The following PLXNB2 variants were observed in gnomAD, a reference collection of about 807,000 sequenced individuals.
PLXNB2 encodes the protein plexin B2.
PLXNB2 carries 85 observed loss-of-function variants against 202.6 expected under a neutral mutation model. That is an observed-to-expected ratio of 0.42 (90% CI 0.35 to 0.50). PLXNB2 has a LOEUF of 0.50. PLXNB2 is among the 20% of genes least tolerant of loss of function. PLXNB2 has a pLI of 0.02. For missense variants in PLXNB2, 2,063 were observed against 2,586.2 expected, an observed-to-expected ratio of 0.80 and a Z score of 4.39; for synonymous variants, 1,239 against 1,137.6, an observed-to-expected ratio of 1.09 and a Z score of -1.79.
In PLXNB2 at chr22:50,283,063, C is replaced by T. The variant is rs62621372; in HGVS notation, c.2803G>A (p.Val935Ile). The T allele has an allele frequency of 0.021, 34,526 of 1,610,404 alleles. 512 individuals carry two copies. Among genetic ancestry groups the T allele is most frequent in the East Asian group, 0.073 (3,258 of 44,776 alleles). Reference protein sequence around the residue: ...QEDVRVTLNGVPCKVTKFGAQ... With the variant: ...QEDVRVTLNGIPCKVTKFGAQ... ...GGTGACACCCACACTTTACACGGGA[C>T]GCCGTTGAGGGTCACCCGCACGTCC... The change falls in exon 17 of 37, where the codon GTC (valine) becomes ATC (isoleucine). Residue 935 changes from valine (V) to isoleucine (I), a missense_variant. Around this residue, in one of 2 missense-constraint regions of PLXNB2, gnomAD observed 1,303 missense variants for 1,476.8 expected, o/e 0.88. Transcript: ENST00000359337.
At position 50,289,485 on chromosome 22, in the gene PLXNB2, C is replaced by T. The variant is rs554383739; in HGVS notation, c.1068+32G>A. The T allele has an allele frequency of 4.3e-5, 67 of 1,561,402 alleles. No homozygotes were observed. Among genetic ancestry groups the T allele is most frequent in the Middle Eastern group, 1.8e-4 (1 of 5,590 alleles). ...AACCCACGAACGGACGCCTGCAGTC[C>T]GGGCCCTGCGAGAACACACTGAGGC... On this transcript the variant is annotated intron_variant, in intron 3 of 36. Transcript: ENST00000359337. This position sits in a 1 kb window ranked among gnomAD's most constrained non-coding sequence, Gnocchi z 8.0.
intron 2 of PLXNB2, among the ~76,000 whole-genome samples, chr22:50,293,364 G>A (rs1000915772): frequency 2.0e-5 from 3 of 152,146 alleles, no homozygotes; most frequent in Non-Finnish European, 4.4e-5. Context: ...AACCCCCGCC[G>A]CGCCCCTCCC....
Position 50,286,235 on chromosome 22 carries a change from G to A in PLXNB2, c.1815C>T (p.Leu605=). The A allele has an allele frequency of 6.2e-7, 1 of 1,613,306 alleles. No homozygotes were observed. Among genetic ancestry groups the A allele is most frequent in the Non-Finnish European group, 8.5e-7 (1 of 1,179,918 alleles). The change falls in exon 9 of 37, where the codon CTC becomes CTT. Residue 605 remains leucine, a synonymous_variant. Coordinates refer to ENST00000359337, the MANE Select transcript of PLXNB2 (RefSeq NM_012401.4). ...QLLLRRGNIF[L]TSYQYPFYDC... is the part of the protein sequence containing the mutation. ...CGTAGAAGGGGTACTGGTAGGACGT[G>A]AGGAAGATGTTGCCTCGTCTAAGGA...
At chr22:50,307,477 G>A (rs766802940) in intron 1 of PLXNB2, 76 bp downstream of exon 1, 220 of 841,346 alleles carry the variant, frequency 2.6e-4, no homozygotes, top group Admixed American at 3.1e-4. Context: ...AGGCCCGGGC[G>A]GAGCGGCGCT....
At position 50,287,214 on chromosome 22, in the gene PLXNB2, C is replaced by A; in HGVS notation, c.1659G>T (p.Leu553Phe). ...PLPALSEEDE[L>F]LCLFGESPPH... ...GCGGCGACTCCCCAAAAAGGCACAG[C>A]AACTCGTCCTCCTCGCTCAGGGCAG... is the stretch of plus-strand genomic sequence containing the variant. Residue 553 changes from leucine to phenylalanine, a missense_variant, in exon 8 of 37, where the codon TTG (leucine) becomes TTT (phenylalanine). By Grantham distance (22) the Leu-to-Phe change is conservative. Coordinates refer to ENST00000359337, the MANE Select transcript of PLXNB2 (RefSeq NM_012401.4). The A allele has an allele frequency of 6.4e-7, 1 of 1,550,720 alleles. No homozygotes were observed. Among genetic ancestry groups the A allele is most frequent in the Non-Finnish European group, 8.7e-7 (1 of 1,147,124 alleles).
chr22:50,289,020 G>C lies in PLXNB2; in HGVS notation c.1191C>G (p.Val397=), dbSNP rs771149769. The C allele has an allele frequency of 3.1e-6, 5 of 1,610,146 alleles. No individual in the cohort carries two copies. The South Asian group carries it at 4.4e-5, about 14-fold the overall frequency. The change falls in exon 4 of 37, where the codon GTC becomes GTG. Residue 397 remains valine (V), a synonymous_variant. Coordinates refer to ENST00000359337, the MANE Select transcript of PLXNB2 (RefSeq NM_012401.4). The surrounding 1 kb of genome is among the most constrained non-coding windows in gnomAD (Gnocchi z 8.0). Reference sequence around the variant, plus strand: ...CAACAGTGTGGTTGTTCTCGGCGGCGACCGTCACGGCCGTGAGGTTCAGGC... The same window carrying C: ...CAACAGTGTGGTTGTTCTCGGCGGCCACCGTCACGGCCGTGAGGTTCAGGC... ...RGGLNLTAVT[V]AAENNHTVAF... is the part of the protein sequence containing the mutation.
At chr22:50,295,810 G>A (rs557502051) in intron 1 of PLXNB2, among the ~76,000 whole-genome samples, 25 of 152,240 alleles carry the variant, frequency 1.6e-4, no homozygotes, top group African/African-American at 6.0e-4. Context: ...AATCAAAATA[G>A]TGGCCGGCTA....
At chr22:50,276,434 T>TGCAG (rs1356186243) in intron 35 of PLXNB2, among the ~76,000 whole-genome samples, 195 bp downstream of exon 35, 2 of 7,508 alleles carry the variant, frequency 2.7e-4, no homozygotes, top group Non-Finnish European at 7.7e-4. Flanking sequence ...AGGGCCTGGC[T>TGCAG]CCAAGCAGGA....
Position 50,280,562 on chromosome 22 carries a change from T to A in PLXNB2, c.4102A>T (p.Ile1368Phe). 6.2e-7 allele frequency: 1 copy of A among 1,612,254 alleles called. No homozygotes were observed. The highest frequency in any genetic ancestry group is 8.5e-7 in the Non-Finnish European group (1 of 1,179,832). Residue 1368 changes from isoleucine (I) to phenylalanine (F), a missense_variant, in exon 25 of 37, where the codon ATC becomes TTC. Ile to Phe is a conservative substitution (Grantham distance 21, BLOSUM62 0). This residue lies in a region of PLXNB2 where 760 missense variants were observed against 1,109.4 expected (regional missense o/e 0.69). Coordinates refer to ENST00000359337, the MANE Select transcript of PLXNB2 (RefSeq NM_012401.4). Reference protein sequence around the residue: ...LHGKLEYYTDIMHTLFLELLE... With the variant: ...LHGKLEYYTDFMHTLFLELLE... Reference sequence around the variant, plus strand: ...AGCTCCAGGAAGAGCGTGTGCATGATGTCCGTGTAGTACTCCAGTTTCCCG... The same window carrying A: ...AGCTCCAGGAAGAGCGTGTGCATGAAGTCCGTGTAGTACTCCAGTTTCCCG...
intron 25 of PLXNB2, 135 bp downstream of exon 25, chr22:50,280,353 GC>G: frequency 5.0e-6 from 4 of 798,862 alleles, no homozygotes; most frequent in Non-Finnish European, 5.7e-6. Flanking sequence ...CCCCTAGACC[GC>G]CCCCCACCAC....
chr22:50,295,043 G>A (rs111744454), intron 1 of PLXNB2, among the ~76,000 whole-genome samples: 2,245 of 152,204 alleles, frequency 0.015, 56 homozygotes, highest in African/African-American at 0.051. Context: ...TTCTGAGGCC[G>A]GGTGCGGTGG....
At position 50,281,575 on chromosome 22, in the gene PLXNB2, G is replaced by C; in HGVS notation, c.3513C>G (p.Pro1171=). 2.5e-6 allele frequency: 4 copies of C among 1,610,832 alleles called. No individual in the cohort carries two copies. The South Asian group carries it at 4.4e-5, about 18-fold the overall frequency. ...GTCCCCGCTCACGCACAATGAACTC[G>C]GGCAGGTTGTGTGTGGTGTCTCGTT... The part of the protein sequence containing the change: ...RQKRDTTHNL[P]EFIVKFGSRE... Residue 1171 remains proline (P), a synonymous_variant, in exon 21 of 37, where the codon CCC becomes CCG. Coordinates refer to ENST00000359337, the MANE Select transcript of PLXNB2 (RefSeq NM_012401.4).
chr22:50,299,714 G>A (rs1457979063), intron 1 of PLXNB2, among the ~76,000 whole-genome samples: 4 of 152,074 alleles, frequency 2.6e-5, no homozygotes, highest in Non-Finnish European at 5.9e-5. Flanking sequence ...CGGGAGACCC[G>A]GCGAGGGCGA....
intron 1 of PLXNB2, chr22:50,301,232 A>G (rs2067662615): frequency 9.6e-6 from 2 of 207,662 alleles, no homozygotes; most frequent in South Asian, 3.4e-4. Flanking sequence ...TCTCTCCTCA[A>G]CCACCCCTTT....
chr22:50,300,589 G>A (rs2067625272), intron 1 of PLXNB2, among the ~76,000 whole-genome samples: 1 of 152,246 alleles, frequency 6.6e-6, no homozygotes, highest in Non-Finnish European at 1.5e-5. Flanking sequence ...GACTGATGTG[G>A]AGGCCTGAGC....
At chr22:50,278,746 C>T in intron 28 of PLXNB2, 50 bp from the exon 29 acceptor site, 1 of 1,582,954 alleles carries the variant, frequency 6.3e-7, no homozygotes, top group Admixed American at 1.7e-5. Flanking sequence ...AGGTTCCTCC[C>T]ACTGCCCACC....
chr22:50,299,522 T>TA (rs879494075), intron 1 of PLXNB2, among the ~76,000 whole-genome samples: 63 of 151,948 alleles, frequency 4.1e-4, no homozygotes, highest in Non-Finnish European at 8.1e-4. Context: ...CCCAGAGCGC[T>TA]AAACACATCA....
Position 50,287,143 on chromosome 22 carries a change from G to T in PLXNB2, c.1730C>A (p.Pro577Gln). Reference protein sequence around the residue: ...VEGEAVICNSPSSIPVTPPGQ... With the variant: ...VEGEAVICNSQSSIPVTPPGQ... ...TGGCGGTGTGACGGGGATGCTGCTT[G>T]GGGAGTTGCAGATGACGGCCTCGCC... The change falls in exon 8 of 37, where the codon CCA becomes CAA. Residue 577 changes from proline (P) to glutamine (Q), a missense_variant. Coordinates refer to ENST00000359337, the MANE Select transcript of PLXNB2 (RefSeq NM_012401.4). 6.5e-7 allele frequency: 1 copy of T among 1,542,244 alleles called. No individual in the cohort carries two copies. The highest frequency in any genetic ancestry group is 8.8e-7 in the Non-Finnish European group (1 of 1,142,676).
At position 50,284,837 on chromosome 22, in the gene PLXNB2, C is replaced by T. The variant is rs763744749; in HGVS notation, c.2089-172G>A. 21 of 745,562 alleles carry T rather than the reference C, an allele frequency of 2.8e-5. No homozygotes were observed. In the East Asian group the frequency reaches 5.1e-4, roughly 18 times the overall value. The allele number at this position is 745,562 out of a possible 1,614,324, so 46.2% of individuals were successfully genotyped here. A position where few individuals can be genotyped will look rare whatever the true frequency, so the allele number is the denominator to read the frequency against. On this transcript the variant is annotated intron_variant, in intron 11 of 36. Coordinates refer to ENST00000359337, the MANE Select transcript of PLXNB2 (RefSeq NM_012401.4). This position sits in a 1 kb window ranked among gnomAD's most constrained non-coding sequence, Gnocchi z 8.0. ...GCTGACCCCTCGGCCACTCCTGAGC[C>T]CAAACACCTGTGTCTGCAGAAGCCT...
Sources: allele counts gnomAD v4.1 joint callset (sites outside exome capture counted in the v4.1 genomes callset), GRCh38; gene constraint gnomAD v4.1.1; regional missense constraint gnomAD v4.1.1; non-coding constraint Gnocchi (gnomAD v3.1); transcripts MANE v1.5; gene names NCBI Gene and HGNC (gene_info 2026-07-23, HGNC 2026-07-21).